Variants in ENOX2 observed in about 807,000 individuals in gnomAD.
ENOX2 encodes the protein APK1 antigen.
In ENOX2, 36 loss-of-function variants were observed where a neutral mutation model predicts 45.0. The ratio of observed to expected loss-of-function variants is 0.80; its 90% CI spans 0.61 to 1.06. The LOEUF is 1.06. ENOX2 is among the 50% of genes least tolerant of loss of function. The probability of loss-of-function intolerance (pLI) is 0.00; values close to 1 mark genes in which losing one functional copy is unlikely to be tolerated. For synonymous variants in ENOX2, 174 were observed against 152.3 expected (o/e 1.14, Z -1.05); for missense variants, 423 against 462.5 (o/e 0.91, Z 0.78).
At chrX:130,632,377 T>TG (rs2035787119) in intron 12 of ENOX2, among the ~76,000 whole-genome samples, 1 of 14,544 alleles carries the variant, frequency 6.9e-5, no homozygotes, top group Non-Finnish European at 1.2e-4. Flanking sequence ...GGGGGGGGGG[T>TG]GGTCCTAAGA....
intron 3 of ENOX2, among the ~76,000 whole-genome samples, chrX:130,777,027 C>T (rs2039872265): frequency 8.9e-6 from 1 of 112,066 alleles, no homozygotes; most frequent in African/African-American, 3.2e-5. Context: ...GAGAAGTTAG[C>T]ATTTCCAGGT....
At chrX:130,837,310 T>C (rs929832667) in intron 2 of ENOX2, among the ~76,000 whole-genome samples, 22 of 111,963 alleles carry the variant, frequency 2.0e-4, no homozygotes, top group African/African-American at 7.1e-4. Flanking sequence ...CAACAGCTCA[T>C]CTACAGTAAC....
chrX:130,721,521 C>A (rs1294046645), intron 3 of ENOX2, among the ~76,000 whole-genome samples: 2 of 112,055 alleles, frequency 1.8e-5, no homozygotes, highest in East Asian at 2.8e-4. Flanking sequence ...CTTCTTGAGA[C>A]AACTTCACTT....
intron 3 of ENOX2, among the ~76,000 whole-genome samples, chrX:130,719,882 A>C: frequency 8.9e-6 from 1 of 112,461 alleles, no homozygotes; most frequent in Middle Eastern, 4.6e-3. Flanking sequence ...ATCTTTAAAA[A>C]GAATAAAAAC....
chrX:130,896,515 GTTCT>G (rs1174342212), intron 2 of ENOX2, among the ~76,000 whole-genome samples: 2 of 110,965 alleles, frequency 1.8e-5, no homozygotes, highest in Admixed American at 9.6e-5. Flanking sequence ...TCTCTCCCTT[GTTCT>G]TTCTCTTTTT....
chrX:130,646,055 A>C, intron 10 of ENOX2: 1 of 557,339 alleles, frequency 1.8e-6, no homozygotes, highest in Non-Finnish European at 3.3e-6. Flanking sequence ...TCCCTAGCAC[A>C]AAGCAGTACT....
intron 3 of ENOX2, among the ~76,000 whole-genome samples, chrX:130,741,221 T>C (rs1569495596): frequency 9.0e-6 from 1 of 111,702 alleles, no homozygotes; most frequent in Non-Finnish European, 1.9e-5. Context: ...AAGTAAGTTA[T>C]GGTTTGATGC....
chrX:130,740,402 CA>C (rs60025578), intron 3 of ENOX2, among the ~76,000 whole-genome samples: 9,237 of 79,323 alleles, frequency 0.12, 891 homozygotes, highest in African/African-American at 0.33. Flanking sequence ...GACTCTGTCT[CA>C]AAAAAAAAAA....
chrX:130,696,384 C>T (rs749421461), intron 4 of ENOX2, among the ~76,000 whole-genome samples: 46 of 111,480 alleles, frequency 4.1e-4, no homozygotes, highest in Non-Finnish European at 6.0e-4. Context: ...GGACATTTCC[C>T]ACTACATCTG....
intron 6 of ENOX2, among the ~76,000 whole-genome samples, chrX:130,673,472 G>C (rs142363382): frequency 9.4e-6 from 1 of 106,066 alleles, no homozygotes; most frequent in Non-Finnish European, 1.9e-5. Context: ...AAGAGATAGA[G>C]ATCTTGAAAA....
chrX:130,899,477 G>A (rs1395194491), intron 2 of ENOX2, among the ~76,000 whole-genome samples: 1 of 112,049 alleles, frequency 8.9e-6, no homozygotes, highest in Non-Finnish European at 1.9e-5. Context: ...TCCACAGACC[G>A]ACACCCTACA....
intron 3 of ENOX2, among the ~76,000 whole-genome samples, chrX:130,707,434 GTT>G (rs762344997): frequency 3.6e-5 from 4 of 110,389 alleles, no homozygotes; most frequent in South Asian, 8.0e-4. Context: ...TCTGCCATCT[GTT>G]TATTTTTGTA....
At chrX:130,716,457 TC>T (rs2038332094) in intron 3 of ENOX2, among the ~76,000 whole-genome samples, 1 of 112,038 alleles carries the variant, frequency 8.9e-6, no homozygotes, top group African/African-American at 3.2e-5. Context: ...TCTCTCCTGA[TC>T]CCCCCATCTG....
chrX:130,760,940 A>C (rs1439227164), intron 3 of ENOX2, among the ~76,000 whole-genome samples: 1 of 106,379 alleles, frequency 9.4e-6, no homozygotes, highest in African/African-American at 3.4e-5. Flanking sequence ...GTGATTTTTA[A>C]TCTGTAGCCT....
chrX:130,644,646 C>T (rs1414935539), intron 10 of ENOX2, among the ~76,000 whole-genome samples: 1 of 111,646 alleles, frequency 9.0e-6, no homozygotes, highest in Non-Finnish European at 1.9e-5. Context: ...TCTGAAAAGG[C>T]TACATACTAT....
At chrX:130,863,109 C>G (rs2078436430) in intron 2 of ENOX2, among the ~76,000 whole-genome samples, 1 of 111,906 alleles carries the variant, frequency 8.9e-6, no homozygotes, top group Non-Finnish European at 1.9e-5. Context: ...TCTTATAAAG[C>G]TTAGGCTAAA....
intron 2 of ENOX2, among the ~76,000 whole-genome samples, chrX:130,835,899 A>C (rs932812393): frequency 6.2e-5 from 7 of 112,807 alleles, no homozygotes; most frequent in Non-Finnish European, 1.3e-4. Context: ...TAAAAAGCAC[A>C]CCCTTGACAC....
At chrX:130,658,973 C>A (rs1033203482) in intron 9 of ENOX2, among the ~76,000 whole-genome samples, 2 of 111,779 alleles carry the variant, frequency 1.8e-5, no homozygotes, top group Non-Finnish European at 3.8e-5. Flanking sequence ...ATTAAGATCC[C>A]ATGATAAAAG....
chrX:130,758,745 T>C (rs1029506339), intron 3 of ENOX2, among the ~76,000 whole-genome samples: 1 of 111,964 alleles, frequency 8.9e-6, no homozygotes, highest in African/African-American at 3.2e-5. Context: ...GCTGTCATTA[T>C]TTTTTGTTTT....
Sources: allele counts gnomAD v4.1 joint callset (sites outside exome capture counted in the v4.1 genomes callset), GRCh38; gene constraint gnomAD v4.1.1; transcripts MANE v1.5; gene names NCBI Gene and HGNC (gene_info 2026-07-23, HGNC 2026-07-21).